ANK1: variants seen among roughly 807,000 people sequenced by gnomAD.
ANK1 encodes ankyrin-1.
Under a neutral mutation model 210.4 loss-of-function variants are expected in ANK1, and 51 were observed. The observed-to-expected ratio is 0.24, with a 90% CI of 0.19 to 0.31. The LOEUF (loss-of-function observed/expected upper bound fraction) is 0.31. Ranked by LOEUF, ANK1 falls within the 10% of genes least tolerant of loss-of-function variation. The probability of loss-of-function intolerance (pLI) is 1.00; values close to 1 mark genes in which losing one functional copy is unlikely to be tolerated. For synonymous variants in ANK1, 967 were observed against 1,025.9 expected, an observed-to-expected ratio of 0.94 and a Z score of 1.10; for missense variants, 2,051 against 2,504.4, an observed-to-expected ratio of 0.82 and a Z score of 3.86.
chr8:41,848,577 C>T (rs1056469358), intron 1 of ANK1, among the ~76,000 whole-genome samples: 1 of 152,186 alleles, frequency 6.6e-6, no homozygotes, highest in African/African-American at 2.4e-5. Flanking sequence ...TGCCCTGAGA[C>T]CCTGTCTCTC....
intron 1 of ANK1, among the ~76,000 whole-genome samples, chr8:41,842,308 T>C (rs1330874457): frequency 1.3e-5 from 2 of 152,010 alleles, no homozygotes; most frequent in African/African-American, 4.8e-5. Flanking sequence ...CTGGCCAACA[T>C]AGTGAAACCC....
upstream of ANK1, among the ~76,000 whole-genome samples, chr8:41,799,386 A>G (rs969367158): frequency 1.3e-5 from 2 of 152,160 alleles, no homozygotes; most frequent in African/African-American, 4.8e-5. Context: ...GACTCAGAAC[A>G]TAGCAAGTGC....
At chr8:41,715,506 TG>T in intron 14 of ANK1, 145 bp downstream of exon 14, 2 of 1,032,968 alleles carry the variant, frequency 1.9e-6, no homozygotes, top group Non-Finnish European at 2.9e-6. Context: ...TTGCAGGTGG[TG>T]GCCAGCCCTG....
At chr8:41,712,216 T>C (rs1391683366) in intron 16 of ANK1, among the ~76,000 whole-genome samples, 3 of 152,148 alleles carry the variant, frequency 2.0e-5, no homozygotes, top group Non-Finnish European at 4.4e-5. Flanking sequence ...TGAGCCACCG[T>C]GCCCGGCCCT....
chr8:41,707,102 A>C (rs1169604006), intron 17 of ANK1, among the ~76,000 whole-genome samples: 3 of 152,174 alleles, frequency 2.0e-5, no homozygotes, highest in African/African-American at 7.2e-5. Flanking sequence ...TCCATCTTAA[A>C]TAAATAAATA....
chr8:41,780,598 G>A (rs1316929296), intron 1 of ANK1, among the ~76,000 whole-genome samples: 1 of 152,200 alleles, frequency 6.6e-6, no homozygotes, highest in Non-Finnish European at 1.5e-5. Flanking sequence ...GAGGGTCAGG[G>A]TGTTCCTGGA....
At chr8:41,853,006 C>T (rs1811541879) in intron 1 of ANK1, among the ~76,000 whole-genome samples, 1 of 152,136 alleles carries the variant, frequency 6.6e-6, no homozygotes, top group African/African-American at 2.4e-5. Flanking sequence ...TAAGCAGACT[C>T]AAAATACAAA....
intron 1 of ANK1, among the ~76,000 whole-genome samples, chr8:41,762,943 G>A (rs1840796342): frequency 6.6e-6 from 1 of 152,178 alleles, no homozygotes; most frequent in South Asian, 2.1e-4. Context: ...AAACTGGCAG[G>A]GCGTGGTGGT....
chr8:41,725,356 G>A (rs967959980), intron 6 of ANK1, among the ~76,000 whole-genome samples: 3 of 152,216 alleles, frequency 2.0e-5, no homozygotes, highest in African/African-American at 7.2e-5. Flanking sequence ...CCAGGTGCAC[G>A]CAGGCGTGCA....
At chr8:41,788,258 T>G (rs1563771241) in intron 1 of ANK1, among the ~76,000 whole-genome samples, 1 of 152,166 alleles carries the variant, frequency 6.6e-6, no homozygotes, top group South Asian at 2.1e-4. Context: ...ACTTGCCTTT[T>G]AGGTTTTCTT....
chr8:41,673,165 G>C (rs1813009410), intron 37 of ANK1, among the ~76,000 whole-genome samples: 1 of 152,118 alleles, frequency 6.6e-6, no homozygotes, highest in Non-Finnish European at 1.5e-5. Flanking sequence ...AGGCAGAGAT[G>C]GGGGAGCGCC....
At chr8:41,668,675 A>C in intron 38 of ANK1, 111 bp from the exon 39 acceptor site, 1 of 1,227,952 alleles carries the variant, frequency 8.1e-7, no homozygotes, top group Non-Finnish European at 1.1e-6. Flanking sequence ...GCTCTGGCTC[A>C]TCAAGGACAC....
chr8:41,748,829 A>G (rs557640527), intron 2 of ANK1, among the ~76,000 whole-genome samples: 9 of 152,278 alleles, frequency 5.9e-5, no homozygotes, highest in Admixed American at 2.6e-4. Context: ...AGGTCAGGAG[A>G]TCAAGACCAT....
chr8:41,752,013 G>A (rs1317093204), intron 2 of ANK1, among the ~76,000 whole-genome samples: 3 of 151,892 alleles, frequency 2.0e-5, no homozygotes, highest in Non-Finnish European at 4.4e-5. Context: ...CCTGCCCCAG[G>A]GCCTTTGCAC....
At chr8:41,794,392 C>T (rs1490390224) in intron 1 of ANK1, among the ~76,000 whole-genome samples, 2 of 152,112 alleles carry the variant, frequency 1.3e-5, no homozygotes, top group Non-Finnish European at 2.9e-5. Flanking sequence ...TGGCTGTTTC[C>T]TTCACCTCTT....
Position 41,690,325 on chromosome 8 carries a change from G to C in ANK1, c.4006C>G (p.Pro1336Ala). ...CGCAGAAACGACAGGGACCCTCCCG[G>C]CTCTCGACTGCTGTCCCTCACCTAA... ...PVKVRDSSRE[P>A]GGSLSFLRKA... is the part of the protein sequence containing the mutation. The change falls in exon 33 of 43, where the codon CCG becomes GCG. Residue 1336 changes from proline to alanine, a missense_variant. Around this residue, in one of 6 missense-constraint regions of ANK1, gnomAD observed 1,413 missense variants for 1,707.4 expected, o/e 0.83. Transcript: ENST00000289734. 6.2e-7 allele frequency: 1 copy of C among 1,614,222 alleles called. No homozygotes were observed. The highest frequency in any genetic ancestry group is 2.2e-5 in the East Asian group (1 of 44,882).
chr8:41,890,558 A>C (rs1490800723), intron 1 of ANK1, among the ~76,000 whole-genome samples: 1 of 152,030 alleles, frequency 6.6e-6, no homozygotes, highest in East Asian at 1.9e-4. Flanking sequence ...AAAACACAAA[A>C]ATTAGCCAGG....
At position 41,877,465 on chromosome 8, in the gene ANK1, C is replaced by T. The variant is rs376282287; in HGVS notation, c.126+18890G>A. 1.9e-3 allele frequency among the ~76,000 whole-genome samples: 287 copies of T among 152,356 alleles called. 2 individuals are homozygous for T. The highest frequency in any genetic ancestry group is 0.01 in the South Asian group (50 of 4,830). Reference sequence around the variant, plus strand: ...TCTAGGAAGTGACACTCACAGTGCCCCAGCTGCAAGACTGTGGTGCCGATC... The same window carrying T: ...TCTAGGAAGTGACACTCACAGTGCCTCAGCTGCAAGACTGTGGTGCCGATC... On this transcript the variant is annotated intron_variant, in intron 1 of 42. Coordinates refer to the ANK1 transcript ENST00000265709.
intron 1 of ANK1, among the ~76,000 whole-genome samples, chr8:41,813,734 G>A (rs986603231): frequency 5.9e-5 from 9 of 152,148 alleles, no homozygotes; most frequent in African/African-American, 1.4e-4. Context: ...ATCAAACTTC[G>A]TCTGTAATAC....
Sources: gnomAD v4.1 joint callset for allele counts (sites outside exome capture counted in the v4.1 genomes callset) on GRCh38, gnomAD v4.1.1 for gene constraint, gnomAD v4.1.1 regional missense constraint, MANE v1.5 for transcripts, NCBI Gene and HGNC (gene_info 2026-07-23, HGNC 2026-07-21) for gene names.